The following NQO1 variants were observed in gnomAD, a reference collection of about 807,000 sequenced individuals.
NQO1 encodes the protein NAD(P)H quinone dehydrogenase 1.
A neutral mutation model predicts 32.1 loss-of-function variants in NQO1; 30 were observed. The ratio of observed to expected loss-of-function variants is 0.94; its 90% CI spans 0.70 to 1.27. The LOEUF is 1.27. NQO1 is among the 50% of genes most tolerant of loss of function. The pLI, the probability that NQO1 is intolerant of heterozygous loss-of-function variation, is 0.00. For synonymous variants in NQO1, 109 were observed against 119.7 expected, an observed-to-expected ratio of 0.91 and a Z score of 0.59; for missense variants, 276 against 331.3, an observed-to-expected ratio of 0.83 and a Z score of 1.30.
In NQO1 at chr16:69,710,851, T is replaced by G. The variant is rs1344219835; in HGVS notation, c.*125A>C. ...CCAAAAATGCACGAATACAGTCGATTCCCTCTCATTTATTCCTTGTGGAAA... is the reference window on the plus strand; with the variant it reads ...CCAAAAATGCACGAATACAGTCGATGCCCTCTCATTTATTCCTTGTGGAAA... On this transcript the variant is annotated 3_prime_UTR_variant, in exon 6 of 6. Transcript: ENST00000320623. 6 of 1,025,402 alleles carry G rather than the reference T, an allele frequency of 5.9e-6. No homozygotes were observed. In the African/African-American group the frequency reaches 9.7e-5, roughly 17 times the overall value. 63.5% of individuals were successfully genotyped at this position (1,025,402 alleles called of 1,614,324 possible). A position where few individuals can be genotyped will look rare whatever the true frequency, so the allele number is the denominator to read the frequency against.
At position 69,713,074 on chromosome 16, in the gene NQO1, A is replaced by ACGT; in HGVS notation, c.472_473insACG (p.Leu158delinsHisVal). ...ATTCATGTCCCCGTGGATCCCTTGC[A>ACGT]GAGAGTACATGGAGCCACTGCCACC... On this transcript the variant is annotated protein_altering_variant, in exon 5 of 6. Coordinates refer to ENST00000320623, the MANE Select transcript of NQO1 (RefSeq NM_000903.3). 1 of 1,614,202 alleles carries ACGT rather than the reference A, an allele frequency of 6.2e-7. No individual in the cohort carries two copies. Among genetic ancestry groups the ACGT allele is most frequent in the South Asian group, 1.1e-5 (1 of 91,084 alleles).
intron 4 of NQO1, among the ~76,000 whole-genome samples, chr16:69,714,428 C>T (rs1218580694): frequency 1.3e-5 from 2 of 151,746 alleles, no homozygotes; most frequent in Non-Finnish European, 2.9e-5. Flanking sequence ...GCCTCGGCCT[C>T]CCAAAGTGCT....
At chr16:69,716,192 A>AATAATAATAATCATCATCATC (rs1555537921) in intron 3 of NQO1, among the ~76,000 whole-genome samples, 1 of 144,168 alleles carries the variant, frequency 6.9e-6, no homozygotes, top group African/African-American at 2.6e-5. Context: ...TAATAATAAT[A>AATAATAATAATCATCATCATC]ATCATCATCA....
rs143567674 is a variant in NQO1 at position 69,725,356 on chromosome 16, C to T, written c.7+1077G>A. Among the ~76,000 whole-genome samples the T allele has an allele frequency of 6.7e-4, 102 of 152,278 alleles. No individual in the cohort carries two copies. The East Asian group carries it at 0.017, about 26-fold the overall frequency. On this transcript the variant is annotated intron_variant, in intron 1 of 5. Transcript: ENST00000320623. The stretch of plus-strand genomic sequence containing the variant: ...CAGATGAGGCAACAGCTTTCTAAAT[C>T]TTAGTACTGTCCAATCTCAGAGTGA...
chr16:69,725,987 C>G (rs984721087), intron 1 of NQO1, among the ~76,000 whole-genome samples: 1 of 152,202 alleles, frequency 6.6e-6, no homozygotes, highest in Non-Finnish European at 1.5e-5. Context: ...GTCCACCAAT[C>G]GCCAGATATT....
chr16:69,718,745 A>G (rs2038150692), intron 1 of NQO1, among the ~76,000 whole-genome samples: 1 of 152,190 alleles, frequency 6.6e-6, no homozygotes, highest in South Asian at 2.1e-4. Context: ...TTAATAAATA[A>G]TGTTGACAAC....
rs1597594420 is a variant in NQO1, at chr16:69,711,098, C to T, written c.703G>A (p.Ala235Thr). 2 of 1,614,178 alleles carry T rather than the reference C, an allele frequency of 1.2e-6. No homozygotes were observed. Among genetic ancestry groups the T allele is most frequent in the African/African-American group, 1.3e-5 (1 of 75,038 alleles). ...PSSLFDLNFQ[A>T]GFLMKKEVQD... ...ACCTCTTTTTTCATTAAGAATCCTG[C>T]CTGGAAGTTTAGGTCAAAGAGGCTG... Residue 235 changes from alanine to threonine, a missense_variant, in exon 6 of 6, where the codon GCA becomes ACA. Coordinates refer to ENST00000320623, the MANE Select transcript of NQO1 (RefSeq NM_000903.3).
chr16:69,723,026 C>T (rs2151747342), intron 1 of NQO1, among the ~76,000 whole-genome samples: 1 of 152,294 alleles, frequency 6.6e-6, no homozygotes, highest in East Asian at 1.9e-4. Flanking sequence ...CTCCCAGGTT[C>T]ACGCCATTCT....
At position 69,713,078 on chromosome 16, in the gene NQO1, A is replaced by ATCCCTT; in HGVS notation, c.468_469insAAGGGA (p.Tyr156_Ser157insLysGly). The ATCCCTT allele has an allele frequency of 6.2e-7, 1 of 1,614,144 alleles. No individual in the cohort carries two copies. Among genetic ancestry groups the ATCCCTT allele is most frequent in the South Asian group, 1.1e-5 (1 of 91,080 alleles). Reference sequence around the variant, plus strand: ...ATGTCCCCGTGGATCCCTTGCAGAGAGTACATGGAGCCACTGCCACCAGTG... The same window carrying ATCCCTT: ...ATGTCCCCGTGGATCCCTTGCAGAGATCCCTTGTACATGGAGCCACTGCCACCAGTG... On this transcript the variant is annotated inframe_insertion, in exon 5 of 6. Transcript: ENST00000320623.
At chr16:69,712,228 AC>A (rs2038050971) in intron 5 of NQO1, among the ~76,000 whole-genome samples, 1 of 150,032 alleles carries the variant, frequency 6.7e-6, no homozygotes. Context: ...CAGGTGTATG[AC>A]TACACCCAGC....
At chr16:69,720,656 C>T (rs1241918192) in intron 1 of NQO1, among the ~76,000 whole-genome samples, 1 of 151,300 alleles carries the variant, frequency 6.6e-6, no homozygotes, top group East Asian at 2.0e-4. Context: ...TCAGCATCCC[C>T]AGTAGCTAGG....
At chr16:69,711,702 G>A (rs1449100798) in intron 5 of NQO1, among the ~76,000 whole-genome samples, 4 of 147,326 alleles carry the variant, frequency 2.7e-5, no homozygotes, top group Non-Finnish European at 5.9e-5. Context: ...CGTCCAGGCT[G>A]GAGTGCCATG....
At chr16:69,717,713 A>G (rs2038133290) in intron 3 of NQO1, among the ~76,000 whole-genome samples, 1 of 151,982 alleles carries the variant, frequency 6.6e-6, no homozygotes, top group Non-Finnish European at 1.5e-5. Context: ...CCCGGGTTCA[A>G]GTGATTCTCC....
chr16:69,726,276 C>T (rs1037988340), intron 1 of NQO1, among the ~76,000 whole-genome samples, 157 bp downstream of exon 1: 2 of 152,160 alleles, frequency 1.3e-5, no homozygotes, highest in African/African-American at 4.8e-5. Context: ...CTCCTTCTCC[C>T]GGAGTCCGAT....
At chr16:69,720,040 C>A (rs1006081394) in intron 1 of NQO1, among the ~76,000 whole-genome samples, 1 of 152,054 alleles carries the variant, frequency 6.6e-6, no homozygotes, top group African/African-American at 2.4e-5. Flanking sequence ...ATTGCTTGAG[C>A]CCAGGAGTTC....
At chr16:69,718,661 C>T (rs1412728471) in intron 1 of NQO1, 127 bp from the exon 2 acceptor site, 1 of 807,190 alleles carries the variant, frequency 1.2e-6, no homozygotes, top group Non-Finnish European at 1.9e-6. Context: ...TGCATTCCAT[C>T]TCCTGTAGCC....
rs757353713 is a variant in NQO1 at position 69,718,234 on chromosome 16, C to T, written c.192G>A (p.Ala64=). 8.1e-6 allele frequency: 13 copies of T among 1,614,072 alleles called. No individual in the cohort carries two copies. The highest frequency in any genetic ancestry group is 4.5e-5 in the East Asian group (2 of 44,880). ...CAGACTCGGCAGGATACTGAAAGTT[C>T]GCAGGGTCCTTCAGTTTACCTGCAG... ...KDITGKLKDP[A]NFQYPAESVL... The change falls in exon 3 of 6, where the codon GCG becomes GCA. Residue 64 remains alanine (A), a synonymous_variant. Transcript: ENST00000320623.
rs2038019693 is a variant in NQO1, at chr16:69,710,193, C to T, written c.*783G>A. On this transcript the variant is annotated 3_prime_UTR_variant, in exon 6 of 6. Coordinates refer to ENST00000320623, the MANE Select transcript of NQO1 (RefSeq NM_000903.3). The stretch of plus-strand genomic sequence containing the variant: ...ACTAAAAATACAAAAATTAGTCAGG[C>T]ATGATGGCAGGCGCCTGTCATCCCA... 6.5e-6 allele frequency: 1 copy of T among 153,898 alleles called. No homozygotes were observed. The highest frequency in any genetic ancestry group is 1.4e-5 in the Non-Finnish European group (1 of 69,444). The allele number at this position is 153,898 out of a possible 1,614,324, so 9.5% of individuals were successfully genotyped here.
rs10517 is a variant in NQO1, at chr16:69,709,857, A to G, written c.*1119T>C. The G allele has an allele frequency of 0.85, 338,262 of 398,488 alleles. 144,332 individuals are homozygous for G. Among genetic ancestry groups the G allele is most frequent in the Admixed American group, 0.92 (20,890 of 22,724 alleles). 24.7% of individuals were successfully genotyped at this position (398,488 alleles called of 1,614,324 possible). A position where few individuals can be genotyped will look rare whatever the true frequency, so the allele number is the denominator to read the frequency against. On this transcript the variant is annotated 3_prime_UTR_variant, in exon 6 of 6. Coordinates refer to ENST00000320623, the MANE Select transcript of NQO1 (RefSeq NM_000903.3). ...GTCATGGGACTGGACCCCATCCCATAGTAAGTCATCAGTTTAGCAATGATA... is the reference window on the plus strand; with the variant it reads ...GTCATGGGACTGGACCCCATCCCATGGTAAGTCATCAGTTTAGCAATGATA...
Sources: allele counts gnomAD v4.1 joint callset (sites outside exome capture counted in the v4.1 genomes callset), GRCh38; gene constraint gnomAD v4.1.1; transcripts MANE v1.5; gene names NCBI Gene and HGNC (gene_info 2026-07-23, HGNC 2026-07-21).